PLA2G15: variants seen among roughly 807,000 people sequenced by gnomAD.
The protein encoded by PLA2G15 is phospholipase A2 group XV.
Under a neutral mutation model 40.9 loss-of-function variants are expected in PLA2G15, and 20 were observed. The ratio of observed to expected loss-of-function variants is 0.49; its 90% CI spans 0.34 to 0.71. The LOEUF is 0.71. Ranked by LOEUF, PLA2G15 falls within the 30% of genes least tolerant of loss-of-function variation. PLA2G15 has a pLI of 0.01. For synonymous variants in PLA2G15, 223 were observed against 228.2 expected (o/e 0.98, Z 0.21); for missense variants, 471 against 541.9 (o/e 0.87, Z 1.30).
At chr16:68,252,037 C>T (rs1162167958) in intron 2 of PLA2G15, among the ~76,000 whole-genome samples, 3 of 152,104 alleles carry the variant, frequency 2.0e-5, no homozygotes, top group African/African-American at 7.2e-5. Context: ...GGGGACACAG[C>T]CTCAGGTGCT....
intron 2 of PLA2G15, 35 bp downstream of exon 2, chr16:68,249,481 C>T (rs768882223): frequency 8.7e-6 from 14 of 1,603,592 alleles, no homozygotes; most frequent in Non-Finnish European, 1.1e-5. Flanking sequence ...GGGTGCTGCT[C>T]ACCAACAGTG....
intron 1 of PLA2G15, among the ~76,000 whole-genome samples, 200 bp downstream of exon 1, chr16:68,245,753 C>T (rs2042304011): frequency 6.6e-6 from 1 of 152,216 alleles, no homozygotes; most frequent in Non-Finnish European, 1.5e-5. Flanking sequence ...ACCTCCTGTC[C>T]TGGTAGAAAA....
Position 68,260,833 on chromosome 16 carries a change from G to C in PLA2G15, c.*1176G>C, listed in dbSNP as rs2042442191. ...CCTTCATGGCAGTAGGCTCTAAGTG[G>C]GTGACTGGCCACAGGCCGAGAAAAG... On this transcript the variant is annotated 3_prime_UTR_variant, in exon 6 of 6. Transcript: ENST00000219345. 6.6e-6 allele frequency: 1 copy of C among 152,330 alleles called. No homozygotes were observed. The highest frequency in any genetic ancestry group is 1.5e-5 in the Non-Finnish European group (1 of 68,114). The allele number at this position is 152,330 out of a possible 1,614,324, so 9.4% of individuals were successfully genotyped here. A position where few individuals can be genotyped will look rare whatever the true frequency, so the allele number is the denominator to read the frequency against.
rs766842082 is a variant in PLA2G15, at chr16:68,259,424, G to A, written c.1006G>A (p.Val336Ile). 23 of 1,613,798 alleles carry A rather than the reference G, an allele frequency of 1.4e-5. No homozygotes were observed. Among genetic ancestry groups the A allele is most frequent in the Middle Eastern group, 1.6e-4 (1 of 6,084 alleles). The change falls in exon 6 of 6, where the codon GTC becomes ATC. Residue 336 changes from valine (V) to isoleucine (I), a missense_variant. Physicochemically the swap from Val to Ile is conservative, Grantham distance 29 (BLOSUM62 3). Coordinates refer to ENST00000219345, the MANE Select transcript of PLA2G15 (RefSeq NM_012320.4). This position sits in a 1 kb window ranked among gnomAD's most constrained non-coding sequence, Gnocchi z 6.5. The part of the protein sequence containing the change: ...VQLHCLYGTG[V>I]PTPDSFYYES... ...GCTGCACTGCCTCTATGGTACTGGC[G>A]TCCCCACACCAGACTCCTTCTACTA...
chr16:68,255,069 C>A lies in PLA2G15; in HGVS notation c.403+32C>A. ...AGCCCTTACTCAAGGCCTCCGGGAG[C>A]TGGGATGGGGTTTCTGCCGGACTGG... is the stretch of plus-strand genomic sequence containing the variant. On this transcript the variant is annotated intron_variant, in intron 3 of 5. Transcript: ENST00000219345. This position sits in a 1 kb window ranked among gnomAD's most constrained non-coding sequence, Gnocchi z 5.9. 7.0e-7 allele frequency: 1 copy of A among 1,423,578 alleles called. No individual in the cohort carries two copies. The highest frequency in any genetic ancestry group is 1.4e-5 in the African/African-American group (1 of 71,300). 88.2% of individuals were successfully genotyped at this position (1,423,578 alleles called of 1,614,324 possible).
Position 68,255,954 on chromosome 16 carries a change from G to C in PLA2G15, c.691G>C (p.Gly231Arg), listed in dbSNP as rs778379895. 2.5e-6 allele frequency: 4 copies of C among 1,611,774 alleles called. No homozygotes were observed. The highest frequency in any genetic ancestry group is 2.2e-5 in the South Asian group (2 of 90,974). Residue 231 changes from glycine (G) to arginine (R), a missense_variant, in exon 5 of 6, where the codon GGG (glycine) becomes CGG (arginine). Transcript: ENST00000219345. The surrounding 1 kb of genome is among the most constrained non-coding windows in gnomAD (Gnocchi z 5.9). The stretch of plus-strand genomic sequence containing the variant: ...CTTCGTGTCACTGGGTGCGCCCTGG[G>C]GGGGCGTGGCCAAGACCCTGCGCGT... Reference protein sequence around the residue: ...RAFVSLGAPWGGVAKTLRVLA... With the variant: ...RAFVSLGAPWRGVAKTLRVLA...
intron 1 of PLA2G15, among the ~76,000 whole-genome samples, chr16:68,247,350 G>A (rs2042317815): frequency 2.0e-5 from 3 of 152,192 alleles, no homozygotes; most frequent in African/African-American, 7.2e-5. Context: ...ACCTCTTGCA[G>A]CCTCAGTCTC....
At position 68,260,447 on chromosome 16, in the gene PLA2G15, G is replaced by A. The variant is rs902224136; in HGVS notation, c.*790G>A. ...TGCCTCCCTTCACCCTGGGACTGTG[G>A]TTCCAAGGATGAGAGCAGGGGTTGG... On this transcript the variant is annotated 3_prime_UTR_variant, in exon 6 of 6. Coordinates refer to ENST00000219345, the MANE Select transcript of PLA2G15 (RefSeq NM_012320.4). The A allele has an allele frequency of 8.5e-5, 13 of 152,596 alleles. No individual in the cohort carries two copies. Among genetic ancestry groups the A allele is most frequent in the African/African-American group, 3.1e-4 (13 of 41,434 alleles). 9.5% of individuals were successfully genotyped at this position (152,596 alleles called of 1,614,324 possible). A position where few individuals can be genotyped will look rare whatever the true frequency, so the allele number is the denominator to read the frequency against.
At chr16:68,252,623 G>A (rs1474600594) in intron 2 of PLA2G15, 3 of 455,868 alleles carry the variant, frequency 6.6e-6, no homozygotes, top group African/African-American at 2.0e-5. Flanking sequence ...ATGAGATCAC[G>A]TGTGTGGTGT....
At chr16:68,257,396 CAG>C (rs1399642585) in intron 5 of PLA2G15, among the ~76,000 whole-genome samples, 3 of 152,210 alleles carry the variant, frequency 2.0e-5, no homozygotes, top group Non-Finnish European at 4.4e-5. Context: ...GTAGGCAACA[CAG>C]GGAGGAAGCA....
chr16:68,257,584 C>T (rs756343736), intron 5 of PLA2G15, among the ~76,000 whole-genome samples: 7 of 152,168 alleles, frequency 4.6e-5, no homozygotes, highest in African/African-American at 1.7e-4. Context: ...GGCTTATGGA[C>T]CCTCACTTTG....
chr16:68,248,810 A>C, intron 1 of PLA2G15: 1 of 630,986 alleles, frequency 1.6e-6, no homozygotes, highest in Non-Finnish European at 2.0e-6. Flanking sequence ...CATAGAAACC[A>C]TGTGTAGAGG....
chr16:68,249,972 G>A (rs1040545704), intron 2 of PLA2G15, among the ~76,000 whole-genome samples: 2 of 151,612 alleles, frequency 1.3e-5, no homozygotes, highest in East Asian at 2.0e-4. Context: ...GAGCCACTAC[G>A]CCTGCCTACA....
rs966002116 is a variant in PLA2G15 at position 68,256,507 on chromosome 16, G to GT, written c.727+527dup. The GT allele has an allele frequency of 2.7e-4, 40 of 149,296 alleles. No individual in the cohort carries two copies. In the South Asian group the frequency reaches 3.4e-3, roughly 13 times the overall value. 9.2% of individuals were successfully genotyped at this position (149,296 alleles called of 1,614,324 possible). A position where few individuals can be genotyped will look rare whatever the true frequency, so the allele number is the denominator to read the frequency against. On this transcript the variant is annotated intron_variant, in intron 5 of 5. Coordinates refer to ENST00000219345, the MANE Select transcript of PLA2G15 (RefSeq NM_012320.4). ...ATGACTATTCTCTTGGGTCAGCCCTGTTTTTTTTTTAATTTTTATTTTTTG... is the reference window on the plus strand; with the variant it reads ...ATGACTATTCTCTTGGGTCAGCCCTGTTTTTTTTTTTAATTTTTATTTTTTG...
intron 2 of PLA2G15, 108 bp downstream of exon 2, chr16:68,249,554 TC>T: frequency 9.7e-7 from 1 of 1,033,236 alleles, no homozygotes; most frequent in Non-Finnish European, 1.5e-6. Context: ...CCTCTCTCCT[TC>T]CCCAGGTCCT....
rs1273728677 is a variant in PLA2G15 at position 68,255,960 on chromosome 16, G to A, written c.697G>A (p.Val233Met). 6.2e-7 allele frequency: 1 copy of A among 1,610,926 alleles called. No individual in the cohort carries two copies. Among genetic ancestry groups the A allele is most frequent in the Non-Finnish European group, 8.5e-7 (1 of 1,179,104 alleles). The change falls in exon 5 of 6, where the codon GTG (valine) becomes ATG (methionine). Residue 233 changes from valine to methionine, a missense_variant. Transcript: ENST00000219345. This position sits in a 1 kb window ranked among gnomAD's most constrained non-coding sequence, Gnocchi z 5.9. ...FVSLGAPWGGVAKTLRVLASG... is the reference protein window; with the variant it reads ...FVSLGAPWGGMAKTLRVLASG... ...GTCACTGGGTGCGCCCTGGGGGGGC[G>A]TGGCCAAGACCCTGCGCGTCCTGGC...
Position 68,259,451 on chromosome 16 carries a change from G to C in PLA2G15, c.1033G>C (p.Glu345Gln). The C allele has an allele frequency of 6.2e-7, 1 of 1,613,806 alleles. No individual in the cohort carries two copies. Among genetic ancestry groups the C allele is most frequent in the South Asian group, 1.1e-5 (1 of 91,084 alleles). Reference protein sequence around the residue: ...GVPTPDSFYYESFPDRDPKIC... With the variant: ...GVPTPDSFYYQSFPDRDPKIC... Reference sequence around the variant, plus strand: ...CCCCACACCAGACTCCTTCTACTATGAGAGCTTCCCTGACCGTGACCCTAA... The same window carrying C: ...CCCCACACCAGACTCCTTCTACTATCAGAGCTTCCCTGACCGTGACCCTAA... The change falls in exon 6 of 6, where the codon GAG (glutamate) becomes CAG (glutamine). Residue 345 changes from glutamate (E) to glutamine (Q), a missense_variant. Glu to Gln is a conservative substitution (Grantham distance 29). Coordinates refer to ENST00000219345, the MANE Select transcript of PLA2G15 (RefSeq NM_012320.4). The surrounding 1 kb of genome is among the most constrained non-coding windows in gnomAD (Gnocchi z 6.5).
At chr16:68,258,790 A>C (rs1016083667) in intron 5 of PLA2G15, 7 of 220,240 alleles carry the variant, frequency 3.2e-5, no homozygotes, top group Non-Finnish European at 5.4e-5. Context: ...TTCAAAAAAA[A>C]AAAAAAGGAA....
Position 68,260,058 on chromosome 16 carries a change from G to A in PLA2G15, c.*401G>A. On this transcript the variant is annotated 3_prime_UTR_variant, in exon 6 of 6. Transcript: ENST00000219345. ...TTCCTATGAGGGATGTTACTGGGCT[G>A]TGGTCCTGTACCCAGAGGTCCCAGG... 4.3e-6 allele frequency: 1 copy of A among 232,448 alleles called. No individual in the cohort carries two copies. The highest frequency in any genetic ancestry group is 8.6e-6 in the Non-Finnish European group (1 of 116,330). 14.4% of individuals were successfully genotyped at this position (232,448 alleles called of 1,614,324 possible).
Sources: allele counts gnomAD v4.1 joint callset (sites outside exome capture counted in the v4.1 genomes callset), GRCh38; gene constraint gnomAD v4.1.1; non-coding constraint Gnocchi (gnomAD v3.1); transcripts MANE v1.5; gene names NCBI Gene and HGNC (gene_info 2026-07-23, HGNC 2026-07-21).